Variants in CFAP74 observed in about 807,000 individuals in gnomAD.
CFAP74 encodes cilia and flagella associated protein 74.
Under a neutral mutation model 188.9 loss-of-function variants are expected in CFAP74, and 124 were observed. The ratio of observed to expected loss-of-function variants is 0.66; its 90% CI spans 0.57 to 0.76. CFAP74 has a LOEUF of 0.76. Ranked by LOEUF, CFAP74 falls within the 30% of genes least tolerant of loss-of-function variation. The probability of loss-of-function intolerance (pLI) is 0.00; values close to 1 mark genes in which losing one functional copy is unlikely to be tolerated. For missense variants in CFAP74, 2,198 were observed against 2,165.2 expected (o/e 1.02, Z -0.30); for synonymous variants, 956 against 916.7 (o/e 1.04, Z -0.77).
At position 1,923,931 on chromosome 1, in the gene CFAP74, T is replaced by C; in HGVS notation, c.4235-2A>G. ...TCTGACCGTTGAGATTCTGCGTCCC[T>C]GCGGGTAGGGTGGGGTGCAGTTTGG... On this transcript the variant is annotated splice_acceptor_variant, in intron 34 of 38. Transcript: ENST00000682832. LOFTEE classifies it high-confidence loss of function. The surrounding 1 kb of genome is among the most constrained non-coding windows in gnomAD (Gnocchi z 6.3). 1 of 1,606,676 alleles carries C rather than the reference T, an allele frequency of 6.2e-7. No individual in the cohort carries two copies. Among genetic ancestry groups the C allele is most frequent in the South Asian group, 1.1e-5 (1 of 90,362 alleles).
chr1:1,930,355 G>C lies in CFAP74; in HGVS notation c.3012-19C>G. ...GAAGCACCTGCAAGCAGCAGCATGG[G>C]AGGCCCTCAGCCGTGCAGGGCGTCC... is the stretch of plus-strand genomic sequence containing the variant. On this transcript the variant is annotated intron_variant, in intron 25 of 38. Transcript: ENST00000682832. 6.6e-7 allele frequency: 1 copy of C among 1,507,440 alleles called. No homozygotes were observed. 93.4% of individuals were successfully genotyped at this position (1,507,440 alleles called of 1,614,324 possible). A position where few individuals can be genotyped will look rare whatever the true frequency, so the allele number is the denominator to read the frequency against.
chr1:1,981,760 C>G (rs1278759071), intron 6 of CFAP74, among the ~76,000 whole-genome samples: 26 of 84,398 alleles, frequency 3.1e-4, no homozygotes, highest in Admixed American at 4.5e-4. Flanking sequence ...GCCGCGGTCA[C>G]ACGCGGGGGC....
At chr1:1,965,389 T>C (rs1418611234) in intron 12 of CFAP74, among the ~76,000 whole-genome samples, 1 of 152,148 alleles carries the variant, frequency 6.6e-6, no homozygotes, top group Non-Finnish European at 1.5e-5. Context: ...ACTTTCCAGA[T>C]TGTTAAATCA....
At chr1:1,928,965 GC>G in intron 26 of CFAP74, 83 bp from the exon 27 acceptor site, 1 of 876,878 alleles carries the variant, frequency 1.1e-6, no homozygotes, top group South Asian at 1.6e-5. Flanking sequence ...ACCGTCCTCT[GC>G]CCGTGGACTC....
In CFAP74 at chr1:1,962,275, T is replaced by C. The variant is rs148554370; in HGVS notation, c.1694+1474A>G. The stretch of plus-strand genomic sequence containing the variant: ...CGGATCACCTGAGGTCAGGAGTTCA[T>C]GACCAGCCTGGCCAACATGGTGAAA... On this transcript the variant is annotated intron_variant, in intron 14 of 38. Transcript: ENST00000682832. Among the ~76,000 whole-genome samples, 862 of 152,024 alleles carry C rather than the reference T, an allele frequency of 5.7e-3. 27 individuals are homozygous for C. The East Asian group carries it at 0.093, about 16-fold the overall frequency.
In CFAP74 at chr1:1,968,693, C is replaced by T; in HGVS notation, c.1187G>A (p.Trp396Ter). 3.7e-6 allele frequency: 6 copies of T among 1,614,124 alleles called. No individual in the cohort carries two copies. Among genetic ancestry groups the T allele is most frequent in the East Asian group, 2.2e-5 (1 of 44,880 alleles). Residue 396 changes from tryptophan (W) to a stop codon, truncating the protein, a stop_gained, in exon 11 of 39, where the codon TGG (tryptophan) becomes TAG (stop). Coordinates refer to ENST00000682832, the MANE Select transcript of CFAP74 (RefSeq NM_001304360.2). LOFTEE classifies it high-confidence loss of function. This position sits in a 1 kb window ranked among gnomAD's most constrained non-coding sequence, Gnocchi z 4.3. The part of the protein sequence containing the change: ...RHRLTLRDKT[W>*]NYISDFCKKT... ...CTTGCAAAAGTCAGAAATGTAGTTC[C>T]AGGTCTTGTCCCTCAGGGTCAGCCG... is the stretch of plus-strand genomic sequence containing the variant.
chr1:1,928,067 C>T lies in CFAP74; in HGVS notation c.3388-321G>A, dbSNP rs377366760. ...CACCGCGGAAGGCCGAAGGCAAGTG[C>T]TTCCCCTCGAGTGCACGCCCAGGAG... On this transcript the variant is annotated intron_variant, in intron 27 of 38. Coordinates refer to ENST00000682832, the MANE Select transcript of CFAP74 (RefSeq NM_001304360.2). 3.9e-4 allele frequency: 161 copies of T among 413,076 alleles called. 2 individuals are homozygous for T. The highest frequency in any genetic ancestry group is 3.3e-3 in the South Asian group (157 of 47,792). 25.6% of individuals were successfully genotyped at this position (413,076 alleles called of 1,614,324 possible). A position where few individuals can be genotyped will look rare whatever the true frequency, so the allele number is the denominator to read the frequency against.
chr1:1,993,494 C>T (rs950265469), intron 1 of CFAP74, among the ~76,000 whole-genome samples: 7 of 151,794 alleles, frequency 4.6e-5, no homozygotes, highest in Admixed American at 2.0e-4. Flanking sequence ...CCATGTTGCC[C>T]AGGCTGGTCT....
intron 4 of CFAP74, among the ~76,000 whole-genome samples, chr1:1,987,557 T>C (rs887136552): frequency 1.3e-5 from 2 of 151,028 alleles, no homozygotes; most frequent in African/African-American, 2.4e-5. Flanking sequence ...CTTTTTTTTT[T>C]CCCGAGACAG....
At position 1,935,363 on chromosome 1, in the gene CFAP74, C is replaced by T. The variant is rs972505935; in HGVS notation, c.3011+3492G>A. On this transcript the variant is annotated intron_variant, in intron 25 of 38. Coordinates refer to ENST00000682832, the MANE Select transcript of CFAP74 (RefSeq NM_001304360.2). ...GTGGGTGTTAGGTTGTAGGTACACA[C>T]GTGTGTATGTGGGTGTTAGGTTATA... 1.4e-4 allele frequency among the ~76,000 whole-genome samples: 12 copies of T among 86,144 alleles called. 5 individuals are homozygous for T. The highest frequency in any genetic ancestry group is 2.1e-4 in the African/African-American group (5 of 23,422). The allele number at this position is 86,144 out of a possible 152,430, so 56.5% of individuals were successfully genotyped here. A position where few individuals can be genotyped will look rare whatever the true frequency, so the allele number is the denominator to read the frequency against.
chr1:1,940,389 TCCGGGAGG>T lies in CFAP74; in HGVS notation c.2622_2629del (p.Leu875GlyfsTer7). The T allele has an allele frequency of 6.5e-7, 1 of 1,530,970 alleles. No individual in the cohort carries two copies. Among genetic ancestry groups the T allele is most frequent in the Non-Finnish European group, 8.7e-7 (1 of 1,144,596 alleles). 94.8% of individuals were successfully genotyped at this position (1,530,970 alleles called of 1,614,324 possible). On this transcript the variant is annotated frameshift_variant, in exon 23 of 39. Transcript: ENST00000682832. LOFTEE classifies it high-confidence loss of function. ...CTTGTCAAAATACCTCCCTGCGTCCTCCGGGAGGGAGTGTCTGAAAGAGGCAGACAAGG... is the reference window on the plus strand; with the variant it reads ...CTTGTCAAAATACCTCCCTGCGTCCTGAGTGTCTGAAAGAGGCAGACAAGG...
chr1:1,922,175 A>ACC lies in CFAP74; in HGVS notation c.*111_*112insGG. 1 of 339,570 alleles carries ACC rather than the reference A, an allele frequency of 2.9e-6. No homozygotes were observed. The highest frequency in any genetic ancestry group is 8.2e-5 in the African/African-American group (1 of 12,176). The allele number at this position is 339,570 out of a possible 1,614,324, so 21.0% of individuals were successfully genotyped here. A position where few individuals can be genotyped will look rare whatever the true frequency, so the allele number is the denominator to read the frequency against. On this transcript the variant is annotated 3_prime_UTR_variant, in exon 39 of 39. Coordinates refer to ENST00000682832, the MANE Select transcript of CFAP74 (RefSeq NM_001304360.2). The stretch of plus-strand genomic sequence containing the variant: ...GCCATGTGGAGGGCGGCCTATTGGA[A>ACC]TCTGGCAGAGGATGGCCAGGTCCCA...
intron 1 of CFAP74, among the ~76,000 whole-genome samples, chr1:1,991,983 T>A (rs536409257): frequency 6.7e-6 from 1 of 149,326 alleles, no homozygotes. Flanking sequence ...GAGCTTGCAG[T>A]GAGCCGAGAT....
At position 1,924,416 on chromosome 1, in the gene CFAP74, C is replaced by T. The variant is rs745549710; in HGVS notation, c.4209G>A (p.Ser1403=). Residue 1403 remains serine, a synonymous_variant, in exon 34 of 39, where the codon TCG becomes TCA. Transcript: ENST00000682832. ...CGACCACCTCCGTCCTCTGGGAGGGCGAGCTGAGGAACTGCGGCAGCTGCT... is the reference window on the plus strand; with the variant it reads ...CGACCACCTCCGTCCTCTGGGAGGGTGAGCTGAGGAACTGCGGCAGCTGCT... ...GQQQLPQFLS[S]PSQRTEVVGT... 3.6e-5 allele frequency: 43 copies of T among 1,205,498 alleles called. No homozygotes were observed. The highest frequency in any genetic ancestry group is 4.8e-4 in the Middle Eastern group (2 of 4,170). The allele number at this position is 1,205,498 out of a possible 1,614,324, so 74.7% of individuals were successfully genotyped here.
intron 33 of CFAP74, among the ~76,000 whole-genome samples, chr1:1,925,040 ACT>A (rs1651753460): frequency 1.4e-5 from 2 of 143,348 alleles, no homozygotes; most frequent in African/African-American, 5.3e-5. Context: ...GAGGGCACAC[ACT>A]GGTCCAAAGG....
chr1:1,971,923 G>A, intron 9 of CFAP74, 57 bp downstream of exon 9: 1 of 1,379,424 alleles, frequency 7.2e-7, no homozygotes, highest in Non-Finnish European at 1.0e-6. Flanking sequence ...CAGGGGCCCA[G>A]GGACGGACCC....
chr1:1,948,120 C>T (rs1313912598), intron 18 of CFAP74, among the ~76,000 whole-genome samples: 1 of 152,128 alleles, frequency 6.6e-6, no homozygotes, highest in Admixed American at 6.6e-5. Context: ...ATCTGCCCAC[C>T]TTGGCCTCCC....
rs1017479250 is a variant in CFAP74 at position 1,923,709 on chromosome 1, C to G, written c.4389+66G>C. ...GGGCCTCCAAAGTGGAGCAGTGCAG[C>G]CAAAGGCAAGGCCCTGCGTGGGGCC... On this transcript the variant is annotated intron_variant, in intron 35 of 38. Coordinates refer to ENST00000682832, the MANE Select transcript of CFAP74 (RefSeq NM_001304360.2). The surrounding 1 kb of genome is among the most constrained non-coding windows in gnomAD (Gnocchi z 6.3). 2 of 1,606,836 alleles carry G rather than the reference C, an allele frequency of 1.2e-6. No individual in the cohort carries two copies. The highest frequency in any genetic ancestry group is 2.7e-5 in the African/African-American group (2 of 74,748).
intron 21 of CFAP74, among the ~76,000 whole-genome samples, chr1:1,943,955 G>C (rs1558008813): frequency 6.6e-6 from 1 of 152,184 alleles, no homozygotes; most frequent in Non-Finnish European, 1.5e-5. Context: ...CGACAGTGCA[G>C]TGTCTTCAAA....
Sources: gnomAD v4.1 joint callset for allele counts (sites outside exome capture counted in the v4.1 genomes callset) on GRCh38, gnomAD v4.1.1 for gene constraint, Gnocchi (gnomAD v3.1) non-coding constraint, MANE v1.5 for transcripts, NCBI Gene and HGNC (gene_info 2026-07-23, HGNC 2026-07-21) for gene names.